Variants in SP100 observed in about 807,000 individuals in gnomAD.
The protein encoded by SP100 is SP100 nuclear body protein.
A neutral mutation model predicts 130.0 loss-of-function variants in SP100; 84 were observed. The ratio of observed to expected loss-of-function variants is 0.65; its 90% CI spans 0.54 to 0.77. SP100 has a LOEUF of 0.77. Ranked by LOEUF, SP100 falls within the 30% of genes least tolerant of loss-of-function variation. The probability of loss-of-function intolerance (pLI) is 0.00; values close to 1 mark genes in which losing one functional copy is unlikely to be tolerated. For missense variants in SP100, 978 were observed against 1,052.2 expected (o/e 0.93, Z 0.97); for synonymous variants, 331 against 351.7 (o/e 0.94, Z 0.66).
chr2:230,446,692 T>C, intron 4 of SP100, 127 bp from the exon 5 acceptor site: 1 of 609,334 alleles, frequency 1.6e-6, no homozygotes, highest in South Asian at 2.1e-5. Context: ...GGGAGAACTT[T>C]AGGTCATGTG....
At chr2:230,501,097 C>T (rs563929279) in intron 19 of SP100, among the ~76,000 whole-genome samples, 4 of 152,088 alleles carry the variant, frequency 2.6e-5, no homozygotes, top group Non-Finnish European at 5.9e-5. Context: ...CAAAAATTAG[C>T]CAGGTGTGGT....
At chr2:230,464,740 GT>G (rs1315661764) in intron 11 of SP100, among the ~76,000 whole-genome samples, 1 of 152,194 alleles carries the variant, frequency 6.6e-6, no homozygotes, top group Non-Finnish European at 1.5e-5. Flanking sequence ...TAACAGGGAG[GT>G]AGGGTAACTA....
At chr2:230,541,177 TC>T in intron 26 of SP100, 123 bp from the exon 27 acceptor site, 1 of 1,210,758 alleles carries the variant, frequency 8.3e-7, no homozygotes, top group South Asian at 1.4e-5. Flanking sequence ...CCAAAGAAAC[TC>T]CCCATGCCAT....
chr2:230,485,602 C>T (rs953375546), intron 17 of SP100, among the ~76,000 whole-genome samples: 2 of 152,118 alleles, frequency 1.3e-5, no homozygotes, highest in African/African-American at 2.4e-5. Flanking sequence ...TTTCTACTTT[C>T]TTAAAACTTT....
intron 11 of SP100, among the ~76,000 whole-genome samples, chr2:230,464,590 C>T (rs2149974785): frequency 6.6e-6 from 1 of 150,428 alleles, no homozygotes; most frequent in Middle Eastern, 3.4e-3. Flanking sequence ...ATACTTTGTG[C>T]TGCTATTTAA....
intron 1 of SP100, 59 bp from the exon 2 acceptor site, chr2:230,417,532 G>A: frequency 1.3e-6 from 2 of 1,565,346 alleles, no homozygotes; most frequent in Non-Finnish European, 1.7e-6. Context: ...CCTTAAAAAT[G>A]TAATTATTGA....
intron 16 of SP100, among the ~76,000 whole-genome samples, chr2:230,473,726 C>G (rs879904854): frequency 6.6e-6 from 1 of 152,102 alleles, no homozygotes; most frequent in Admixed American, 6.5e-5. Flanking sequence ...TTGGGAACTG[C>G]AGGGAGGCAA....
chr2:230,521,656 G>T (rs1363794652), intron 24 of SP100, among the ~76,000 whole-genome samples: 2 of 152,150 alleles, frequency 1.3e-5, no homozygotes, highest in Non-Finnish European at 2.9e-5. Flanking sequence ...GCTGGACCTA[G>T]ATCAGGGTGT....
chr2:230,480,697 C>T (rs926234191), intron 17 of SP100, among the ~76,000 whole-genome samples: 12 of 152,158 alleles, frequency 7.9e-5, no homozygotes, highest in Admixed American at 2.6e-4. Flanking sequence ...GGTCTGAGGC[C>T]TGAAAAGATC....
intron 2 of SP100, among the ~76,000 whole-genome samples, chr2:230,439,538 G>GT (rs2063401581): frequency 6.6e-6 from 1 of 150,538 alleles, no homozygotes; most frequent in African/African-American, 2.5e-5. Flanking sequence ...ATATCCTAAG[G>GT]TTTTTTGGAT....
In SP100 at chr2:230,474,380, C is replaced by T. The variant is rs1187631860; in HGVS notation, c.1547-14C>T. On this transcript the variant is annotated splice_polypyrimidine_tract_variant and intron_variant, in intron 16 of 28. Transcript: ENST00000340126. The stretch of plus-strand genomic sequence containing the variant: ...TAAATTACAGTTCTCTGACCACTAC[C>T]TGTCACTTTCTAGATACCATGGATG... 8.2e-6 allele frequency: 12 copies of T among 1,467,838 alleles called. No individual in the cohort carries two copies. The highest frequency in any genetic ancestry group is 9.5e-6 in the Non-Finnish European group (10 of 1,056,654). 90.9% of individuals were successfully genotyped at this position (1,467,838 alleles called of 1,614,324 possible).
chr2:230,484,649 C>T (rs1451423995), intron 17 of SP100, among the ~76,000 whole-genome samples: 1 of 152,028 alleles, frequency 6.6e-6, no homozygotes, highest in Admixed American at 6.6e-5. Flanking sequence ...AGTGTGCTTT[C>T]GTTGTTATTA....
intron 19 of SP100, 139 bp from the exon 20 acceptor site, chr2:230,502,927 C>A (rs1575761695): frequency 4.9e-6 from 3 of 613,352 alleles, no homozygotes; most frequent in East Asian, 5.5e-5. Context: ...TGTCCCTTTA[C>A]AAAAAAAGTT....
chr2:230,504,153 A>T, intron 20 of SP100, 33 bp from the exon 21 acceptor site: 1 of 1,226,722 alleles, frequency 8.2e-7, no homozygotes, highest in Non-Finnish European at 1.2e-6. Context: ...TTGTAAAAGT[A>T]GATGGAATGG....
chr2:230,490,191 T>C (rs775463631), intron 17 of SP100, among the ~76,000 whole-genome samples: 61 of 152,040 alleles, frequency 4.0e-4, no homozygotes, highest in Non-Finnish European at 1.0e-4. Context: ...ATTGGGTGCA[T>C]ATATATTTAG....
intron 17 of SP100, among the ~76,000 whole-genome samples, chr2:230,494,213 T>C (rs2066538888): frequency 6.6e-6 from 1 of 151,990 alleles, no homozygotes; most frequent in Non-Finnish European, 1.5e-5. Context: ...GTGTAAATGA[T>C]TGGCACTGTG....
At chr2:230,464,230 CA>C in intron 11 of SP100, 80 bp downstream of exon 11, 1 of 874,432 alleles carries the variant, frequency 1.1e-6, no homozygotes, top group Non-Finnish European at 1.9e-6. Context: ...TGATTAATTT[CA>C]TTCTGAGTGG....
chr2:230,521,130 G>A (rs55759935), intron 24 of SP100, among the ~76,000 whole-genome samples: 1 of 152,066 alleles, frequency 6.6e-6, no homozygotes, highest in Admixed American at 6.5e-5. Context: ...AAAGTGGCCT[G>A]TAGGTTTTCA....
intron 2 of SP100, among the ~76,000 whole-genome samples, chr2:230,419,837 C>T (rs1005915831): frequency 2.6e-5 from 4 of 152,180 alleles, no homozygotes; most frequent in African/African-American, 9.7e-5. Flanking sequence ...TAGAAGGGAA[C>T]TAGTGTGCTA....
Sources: allele counts gnomAD v4.1 joint callset (sites outside exome capture counted in the v4.1 genomes callset), GRCh38; gene constraint gnomAD v4.1.1; transcripts MANE v1.5; gene names NCBI Gene and HGNC (gene_info 2026-07-23, HGNC 2026-07-21).